Variants in RBFOX3 observed in about 807,000 individuals in gnomAD.
RBFOX3 encodes the protein RNA binding protein fox-1 homolog 3.
Under a neutral mutation model 48.7 loss-of-function variants are expected in RBFOX3, and 17 were observed. The ratio of observed to expected loss-of-function variants is 0.35; its 90% CI spans 0.24 to 0.52. The LOEUF (loss-of-function observed/expected upper bound fraction) is 0.52, where lower values mean the gene tolerates loss of function less well. Among genes scored for constraint, RBFOX3 ranks in the 20% least tolerant of loss-of-function variants. The pLI is 0.94. For synonymous variants in RBFOX3, 212 were observed against 209.5 expected (o/e 1.01, Z -0.10); for missense variants, 382 against 497.5 (o/e 0.77, Z 2.21).
At chr17:79,294,265 C>T (rs187363982) in intron 3 of RBFOX3, among the ~76,000 whole-genome samples, 88 of 152,306 alleles carry the variant, frequency 5.8e-4, no homozygotes, top group Non-Finnish European at 8.5e-4. Flanking sequence ...ATACCTTTCA[C>T]CCAGTTCTAG....
At chr17:79,153,543 G>A (rs748356736) in intron 4 of RBFOX3, among the ~76,000 whole-genome samples, 4 of 152,274 alleles carry the variant, frequency 2.6e-5, no homozygotes, top group African/African-American at 4.8e-5. Context: ...CAGGCTTCCC[G>A]TTTATCAGAG....
intron 4 of RBFOX3, among the ~76,000 whole-genome samples, chr17:79,233,432 T>C (rs1164091248): frequency 1.3e-5 from 2 of 152,172 alleles, no homozygotes. Flanking sequence ...TTATCTTGAT[T>C]GTGGTGATGG....
chr17:79,529,169 G>A (rs954601794), intron 1 of RBFOX3, among the ~76,000 whole-genome samples: 57 of 152,266 alleles, frequency 3.7e-4, no homozygotes, highest in South Asian at 1.0e-3. Context: ...AGGATTCCAC[G>A]CACTTTTGCA....
At chr17:79,327,490 T>A (rs1220074496) in intron 2 of RBFOX3, among the ~76,000 whole-genome samples, 2 of 152,256 alleles carry the variant, frequency 1.3e-5, no homozygotes, top group African/African-American at 4.8e-5. Context: ...CACGGATGAA[T>A]GCTCCAGAGC....
the RBFOX3 span, among the ~76,000 whole-genome samples, chr17:79,651,700 C>T: frequency 2.1e-5 from 2 of 97,114 alleles, no homozygotes; most frequent in African/African-American, 7.0e-5. Flanking sequence ...CTCCCCCTCC[C>T]CCCTCCCTCC....
chr17:79,137,765 A>C (rs573058381), intron 4 of RBFOX3, among the ~76,000 whole-genome samples: 1 of 152,296 alleles, frequency 6.6e-6, no homozygotes, highest in South Asian at 2.1e-4. Flanking sequence ...TCCCTCATTA[A>C]TGAGTTTCTT....
At chr17:79,189,790 C>G (rs1289532186) in intron 4 of RBFOX3, among the ~76,000 whole-genome samples, 2 of 152,220 alleles carry the variant, frequency 1.3e-5, no homozygotes, top group African/African-American at 4.8e-5. Context: ...TGTGCCCAGA[C>G]CATAGATGGC....
intron 3 of RBFOX3, among the ~76,000 whole-genome samples, chr17:79,259,215 G>A (rs1006596301): frequency 2.0e-5 from 3 of 152,260 alleles, no homozygotes; most frequent in Non-Finnish European, 4.4e-5. Flanking sequence ...CGCAGCTGGT[G>A]TCTGGCCCAC....
rs751793355 is a variant in RBFOX3, at chr17:79,115,695, G to T, written c.21C>A (p.Pro7=). The change falls in exon 5 of 15, where the codon CCC becomes CCA. Residue 7 remains proline, a synonymous_variant. Coordinates refer to ENST00000693108, the MANE Select transcript of RBFOX3 (RefSeq NM_001350451.2). MAQPYP[P]AQYPPPPQNG... ...TCTGTGGCGGAGGGGGGTACTGGGC[G>T]GGGGGGTAGGGCTGGGCCATCGCTT... 1.4e-5 allele frequency: 11 copies of T among 805,862 alleles called. No individual in the cohort carries two copies. The highest frequency in any genetic ancestry group is 1.1e-4 in the African/African-American group (6 of 57,028). 49.9% of individuals were successfully genotyped at this position (805,862 alleles called of 1,614,324 possible). A position where few individuals can be genotyped will look rare whatever the true frequency, so the allele number is the denominator to read the frequency against.
intron 2 of RBFOX3, among the ~76,000 whole-genome samples, chr17:79,420,396 C>T (rs551269414): frequency 1.6e-3 from 247 of 152,334 alleles, no homozygotes; most frequent in Non-Finnish European, 2.4e-3. Context: ...AGAACGCCCC[C>T]ACCCACGAAG....
At chr17:79,169,322 G>A (rs2048663438) in intron 4 of RBFOX3, among the ~76,000 whole-genome samples, 1 of 152,146 alleles carries the variant, frequency 6.6e-6, no homozygotes, top group Admixed American at 6.5e-5. Context: ...TGGGGTAGCG[G>A]TGAGGATTCC....
chr17:79,587,290 A>G (rs1371092289), intron 1 of RBFOX3, among the ~76,000 whole-genome samples: 1 of 152,168 alleles, frequency 6.6e-6, no homozygotes, highest in Non-Finnish European at 1.5e-5. Flanking sequence ...CTTCCTGTGC[A>G]ATGTAAGGGG....
intron 1 of RBFOX3, among the ~76,000 whole-genome samples, chr17:79,542,044 T>A (rs1168473171): frequency 1.3e-5 from 2 of 151,800 alleles, no homozygotes; most frequent in Non-Finnish European, 2.9e-5. Context: ...TCGACCTTTT[T>A]TTTTTTTCAT....
chr17:79,092,178 G>C, intron 14 of RBFOX3: 1 of 985,462 alleles, frequency 1.0e-6, no homozygotes, highest in African/African-American at 1.7e-5. Flanking sequence ...AGGCGTTTCT[G>C]TTGTTCTGTG....
chr17:79,398,119 C>T (rs60772925), intron 2 of RBFOX3, among the ~76,000 whole-genome samples: 20,772 of 152,062 alleles, frequency 0.14, 1,484 homozygotes, highest in Middle Eastern at 0.19. Context: ...AGCTGAGCAG[C>T]AATTAGAGCC....
intron 3 of RBFOX3, among the ~76,000 whole-genome samples, chr17:79,277,650 C>A (rs1425711342): frequency 6.6e-6 from 1 of 152,196 alleles, no homozygotes. Flanking sequence ...TAGCATGTGG[C>A]GTGCTGGGCC....
chr17:79,117,173 C>G lies in RBFOX3; in HGVS notation c.-33-1425G>C, dbSNP rs372979652. Among the ~76,000 whole-genome samples, 210 of 152,380 alleles carry G rather than the reference C, an allele frequency of 1.4e-3. 1 individual carries two copies. Among genetic ancestry groups the G allele is most frequent in the African/African-American group, 4.7e-3 (195 of 41,600 alleles). On this transcript the variant is annotated intron_variant, in intron 4 of 14. Coordinates refer to ENST00000693108, the MANE Select transcript of RBFOX3 (RefSeq NM_001350451.2). ...CCTGAGCAGGCGAGGCACTCGCCCCCCCAGGAGTCTGCGGTGAGGAGGCCC... is the reference window on the plus strand; with the variant it reads ...CCTGAGCAGGCGAGGCACTCGCCCCGCCAGGAGTCTGCGGTGAGGAGGCCC...
At chr17:79,432,125 G>T (rs2148894702) in intron 2 of RBFOX3, among the ~76,000 whole-genome samples, 1 of 152,358 alleles carries the variant, frequency 6.6e-6, no homozygotes, top group Admixed American at 6.5e-5. Flanking sequence ...TCTGTGTCAG[G>T]ATTTCCTTCC....
chr17:79,620,439 G>T, the RBFOX3 span, among the ~76,000 whole-genome samples: 1 of 134,966 alleles, frequency 7.4e-6, no homozygotes, highest in African/African-American at 2.7e-5. Context: ...GTGCACACAT[G>T]CACATGCACA....
Sources: allele counts gnomAD v4.1 joint callset (sites outside exome capture counted in the v4.1 genomes callset), GRCh38; gene constraint gnomAD v4.1.1; transcripts MANE v1.5; gene names NCBI Gene and HGNC (gene_info 2026-07-23, HGNC 2026-07-21).